CDKN2B-AS1: variants seen among roughly 807,000 people sequenced by gnomAD.
The protein encoded by CDKN2B-AS1 is CDKN2B antisense RNA 1 (non-protein coding).
chr9:22,089,201 A>T (rs1250583043), intron 4 of CDKN2B-AS1, among the ~76,000 whole-genome samples: 1 of 152,182 alleles, frequency 6.6e-6, no homozygotes, highest in African/African-American at 2.4e-5. Flanking sequence ...TAAAAATTCA[A>T]CTGTAGGACT....
At chr9:22,092,577 T>A (rs903999669) in intron 4 of CDKN2B-AS1, 1 of 152,232 alleles carries the variant, frequency 6.6e-6, no homozygotes, top group Non-Finnish European at 1.5e-5. Flanking sequence ...GAGGAATTTA[T>A]CCATTTCTTC....
intron 1 of CDKN2B-AS1, among the ~76,000 whole-genome samples, chr9:22,036,809 C>T (rs988110153): frequency 6.6e-6 from 1 of 152,078 alleles, no homozygotes; most frequent in Non-Finnish European, 1.5e-5. Flanking sequence ...TACTTTGTGC[C>T]TCTTTCCATT....
chr9:22,065,486 C>T (rs1042530592), intron 4 of CDKN2B-AS1, among the ~76,000 whole-genome samples: 1 of 152,174 alleles, frequency 6.6e-6, no homozygotes, highest in African/African-American at 2.4e-5. Flanking sequence ...TGTATTAATA[C>T]CTCCTACTTC....
In CDKN2B-AS1 at chr9:22,059,181, G is replaced by C. The variant is rs1232108569; in HGVS notation, n.438+2794G>C. 4 of 152,160 alleles carry C rather than the reference G, an allele frequency of 2.6e-5. No homozygotes were observed. The East Asian group carries it at 7.7e-4, about 29-fold the overall frequency. The allele number at this position is 152,160 out of a possible 1,614,324, so 9.4% of individuals were successfully genotyped here. ...TCACCCAAAGTCTTAACTCATTTCA[G>C]CATTAATCCAAAAGTCCACAGTCCA... On this transcript the variant is annotated intron_variant and non_coding_transcript_variant, in intron 4 of 4. Transcript: ENST00000650946.
At chr9:22,097,641 G>A (rs1825329165) in intron 4 of CDKN2B-AS1, among the ~76,000 whole-genome samples, 1 of 152,152 alleles carries the variant, frequency 6.6e-6, no homozygotes, top group Admixed American at 6.6e-5. Flanking sequence ...AACCCTAAAA[G>A]GGAACTTGTT....
chr9:22,037,143 A>G (rs1464526041), intron 1 of CDKN2B-AS1, among the ~76,000 whole-genome samples: 1 of 152,106 alleles, frequency 6.6e-6, no homozygotes, highest in Admixed American at 6.6e-5. Flanking sequence ...GCCTGGCCTA[A>G]AGTGGTTGTT....
chr9:22,014,997 T>C (rs1024656234), intron 1 of CDKN2B-AS1, among the ~76,000 whole-genome samples: 2 of 152,140 alleles, frequency 1.3e-5, no homozygotes, highest in Non-Finnish European at 2.9e-5. Flanking sequence ...ATTTTCTTAA[T>C]CCAGTCTATC....
chr9:22,023,856 G>A (rs979257668), intron 1 of CDKN2B-AS1, among the ~76,000 whole-genome samples: 1 of 152,112 alleles, frequency 6.6e-6, no homozygotes, highest in African/African-American at 2.4e-5. Flanking sequence ...AGAATTTTTA[G>A]TTCCTTTGCA....
intron 4 of CDKN2B-AS1, chr9:22,119,827 C>T (rs1826053003): frequency 6.6e-6 from 1 of 152,194 alleles, no homozygotes; most frequent in African/African-American, 2.4e-5. Context: ...TTCTTGGTAC[C>T]ATTTATCTAG....
At chr9:22,098,151 C>A (rs183405138) in intron 4 of CDKN2B-AS1, among the ~76,000 whole-genome samples, 3 of 140,366 alleles carry the variant, frequency 2.1e-5, no homozygotes, top group African/African-American at 9.7e-5. Context: ...CTTTCTCTCT[C>A]TGTCTCTGTG....
At chr9:22,121,438 A>G (rs1458058718) in intron 4 of CDKN2B-AS1, among the ~76,000 whole-genome samples, 2 of 152,126 alleles carry the variant, frequency 1.3e-5, no homozygotes, top group African/African-American at 2.4e-5. Flanking sequence ...TATAGTGATC[A>G]GATCAGGGTA....
At chr9:22,082,364 C>G (rs1321833029) in intron 4 of CDKN2B-AS1, among the ~76,000 whole-genome samples, 1 of 152,186 alleles carries the variant, frequency 6.6e-6, no homozygotes, top group Admixed American at 6.5e-5. Flanking sequence ...TAGTGGCTCA[C>G]TATTCACATC....
In CDKN2B-AS1 at chr9:21,996,623, CCT is replaced by C. The variant is rs201758118; in HGVS notation, n.29+1463_29+1464del. Among the ~76,000 whole-genome samples the C allele has an allele frequency of 7.8e-6, 1 of 127,500 alleles. No homozygotes were observed. The highest frequency in any genetic ancestry group is 1.9e-5 in the Non-Finnish European group (1 of 52,810). The allele number at this position is 127,500 out of a possible 152,430, so 83.6% of individuals were successfully genotyped here. A position where few individuals can be genotyped will look rare whatever the true frequency, so the allele number is the denominator to read the frequency against. ...AATGTCAGCTCTATGGGAACCAGAT[CCT>C]TTTATGGGTCTTCCTCTGCACCTAT... On this transcript the variant is annotated intron_variant and non_coding_transcript_variant, in intron 1 of 4. Transcript: ENST00000650946. This position sits in a 1 kb window ranked among gnomAD's most constrained non-coding sequence, Gnocchi z 5.4.
chr9:22,105,186 A>T (rs923528062), intron 4 of CDKN2B-AS1, among the ~76,000 whole-genome samples: 1 of 152,232 alleles, frequency 6.6e-6, no homozygotes, highest in Non-Finnish European at 1.5e-5. Flanking sequence ...TTGTGGGCTC[A>T]TGATGACTTG....
chr9:22,079,348 C>T (rs1414935821), intron 4 of CDKN2B-AS1, among the ~76,000 whole-genome samples: 2 of 151,922 alleles, frequency 1.3e-5, no homozygotes, highest in East Asian at 3.9e-4. Flanking sequence ...ATTAGTTGGG[C>T]GTGGTGGCAC....
rs181674828 is a variant in CDKN2B-AS1 at position 21,999,735 on chromosome 9, G to T, written n.29+4574G>T. 7.5e-4 allele frequency among the ~76,000 whole-genome samples: 114 copies of T among 151,452 alleles called. No individual in the cohort carries two copies. Among genetic ancestry groups the T allele is most frequent in the Middle Eastern group, 3.4e-3 (1 of 294 alleles). ...ACATGCTTGTGAGGAGACTTTTTTT[G>T]TTGTTGTTGTTGTTAGGGCTCATTC... On this transcript the variant is annotated intron_variant and non_coding_transcript_variant, in intron 1 of 4. Coordinates refer to ENST00000650946, the Ensembl canonical transcript of CDKN2B-AS1. This position sits in a 1 kb window ranked among gnomAD's most constrained non-coding sequence, Gnocchi z 4.7.
At chr9:21,998,108 T>G (rs1464432608) in intron 1 of CDKN2B-AS1, among the ~76,000 whole-genome samples, 2 of 152,182 alleles carry the variant, frequency 1.3e-5, no homozygotes, top group African/African-American at 2.4e-5. Context: ...TCCATCTTGG[T>G]TTCCCCCACT....
At chr9:22,098,476 T>G (rs981772274) in intron 4 of CDKN2B-AS1, among the ~76,000 whole-genome samples, 5 of 151,836 alleles carry the variant, frequency 3.3e-5, no homozygotes, top group African/African-American at 1.2e-4. Context: ...ATCACCTTTA[T>G]AAAAATAAAA....
intron 1 of CDKN2B-AS1, among the ~76,000 whole-genome samples, chr9:22,014,443 A>T (rs1253780051): frequency 1.3e-5 from 2 of 152,098 alleles, no homozygotes; most frequent in Non-Finnish European, 2.9e-5. Flanking sequence ...GGGATTACAG[A>T]CATAAGCCAC....
Sources: allele counts gnomAD v4.1 joint callset (sites outside exome capture counted in the v4.1 genomes callset), GRCh38; gene constraint gnomAD v4.1.1; non-coding constraint Gnocchi (gnomAD v3.1); transcripts MANE v1.5; gene names NCBI Gene and HGNC (gene_info 2026-07-23, HGNC 2026-07-21).